Variants in PTPN13 observed in about 807,000 individuals in gnomAD.
PTPN13 encodes the protein protein tyrosine phosphatase non-receptor type 13.
In PTPN13, 191 loss-of-function variants were observed where a neutral mutation model predicts 284.0. The observed-to-expected ratio is 0.67, with a 90% confidence interval of 0.60 to 0.76. PTPN13 has a LOEUF of 0.76. PTPN13 is among the 30% of genes least tolerant of loss of function. The pLI is 0.00. For missense variants in PTPN13, 2,797 were observed against 2,939.9 expected, an observed-to-expected ratio of 0.95 and a Z score of 1.12; for synonymous variants, 986 against 1,022.3, an observed-to-expected ratio of 0.96 and a Z score of 0.68.
chr4:86,721,286 C>G (rs148213713), intron 9 of PTPN13, among the ~76,000 whole-genome samples: 29 of 151,960 alleles, frequency 1.9e-4, no homozygotes, highest in African/African-American at 7.0e-4. Context: ...TTTGACCCTC[C>G]CCTTAAGTGA....
intron 40 of PTPN13, among the ~76,000 whole-genome samples, chr4:86,786,966 G>A (rs997942852): frequency 1.3e-5 from 2 of 151,966 alleles, no homozygotes; most frequent in Middle Eastern, 3.4e-3. Context: ...TTAGCCAGAT[G>A]TGGTGGCGCA....
At chr4:86,701,891 T>C (rs753201287) in intron 7 of PTPN13, 90 bp downstream of exon 7, 4 of 1,304,322 alleles carry the variant, frequency 3.1e-6, no homozygotes, top group Non-Finnish European at 4.1e-6. Flanking sequence ...ATTCCACAAG[T>C]CTTATTTTCA....
At chr4:86,728,352 T>C (rs913703102) in intron 10 of PTPN13, among the ~76,000 whole-genome samples, 3 of 149,414 alleles carry the variant, frequency 2.0e-5, no homozygotes, top group Middle Eastern at 3.4e-3. Flanking sequence ...AGAGCTGAGT[T>C]TAAGTCCTGG....
intron 5 of PTPN13, among the ~76,000 whole-genome samples, chr4:86,693,040 C>T (rs1409349586): frequency 7.3e-6 from 1 of 136,568 alleles, no homozygotes; most frequent in African/African-American, 2.8e-5. Context: ...GGTCCTCCAA[C>T]CTGGGTGACA....
chr4:86,727,132 T>C lies in PTPN13; in HGVS notation c.1608+4698T>C, dbSNP rs1023499169. On this transcript the variant is annotated intron_variant, in intron 10 of 47. Transcript: ENST00000411767. ...AATTACATTTATTGATTTGCCTATG[T>C]TGAACCAGCCTTGCATGCCAGGGAT... is the stretch of plus-strand genomic sequence containing the variant. 3.3e-5 allele frequency among the ~76,000 whole-genome samples: 5 copies of C among 149,724 alleles called. 1 individual carries two copies. Among genetic ancestry groups the C allele is most frequent in the Non-Finnish European group, 7.5e-5 (5 of 66,746 alleles).
At chr4:86,675,839 G>T (rs540005713) in intron 3 of PTPN13, among the ~76,000 whole-genome samples, 1 of 151,982 alleles carries the variant, frequency 6.6e-6, no homozygotes. Context: ...CTTTGAAATC[G>T]GTTTGATGGG....
chr4:86,784,502 A>T lies in PTPN13; in HGVS notation c.6062A>T (p.Lys2021Ile). ...GAAATAAATGAAATATCGTACCCCA[A>T]AGGAAAATGTTCTACTTATCAGATA... ...GEEINEISYP[K>I]GKCSTYQIKG... Residue 2021 changes from lysine (K) to isoleucine (I), a missense_variant, in exon 38 of 48, where the codon AAA (lysine) becomes ATA (isoleucine). Coordinates refer to ENST00000411767, the MANE Select transcript of PTPN13 (RefSeq NM_080683.3). The T allele has an allele frequency of 2.5e-6, 4 of 1,607,730 alleles. No homozygotes were observed. The highest frequency in any genetic ancestry group is 3.4e-6 in the Non-Finnish European group (4 of 1,177,976).
At chr4:86,723,977 C>T (rs900032317) in intron 10 of PTPN13, among the ~76,000 whole-genome samples, 1 of 152,034 alleles carries the variant, frequency 6.6e-6, no homozygotes, top group African/African-American at 2.4e-5. Context: ...TTCAAATTTC[C>T]TTCACAGTAT....
intron 37 of PTPN13, among the ~76,000 whole-genome samples, chr4:86,782,912 G>A (rs1284053418): frequency 6.6e-6 from 1 of 151,812 alleles, no homozygotes; most frequent in Non-Finnish European, 1.5e-5. Flanking sequence ...TTTTCTTCCT[G>A]GTATGTAATA....
chr4:86,653,999 T>A (rs1725434790), intron 2 of PTPN13, among the ~76,000 whole-genome samples: 1 of 152,184 alleles, frequency 6.6e-6, no homozygotes, highest in African/African-American at 2.4e-5. Context: ...AACTATAAGA[T>A]AGCTCTTATC....
intron 2 of PTPN13, among the ~76,000 whole-genome samples, chr4:86,662,177 T>G (rs532433964): frequency 7.8e-4 from 119 of 152,340 alleles, no homozygotes; most frequent in South Asian, 1.4e-3. Context: ...TTAAAAGGCT[T>G]AGCACATCAT....
At chr4:86,629,325 C>A (rs982933207) in intron 1 of PTPN13, among the ~76,000 whole-genome samples, 11 of 147,994 alleles carry the variant, frequency 7.4e-5, no homozygotes, top group African/African-American at 2.8e-4. Flanking sequence ...GACATTTATG[C>A]AGCCAAAAAA....
intron 3 of PTPN13, among the ~76,000 whole-genome samples, chr4:86,677,343 T>A (rs1578396207): frequency 7.1e-6 from 1 of 141,742 alleles, no homozygotes; most frequent in Admixed American, 7.4e-5. Context: ...TGAGACGGAG[T>A]CTAGCTCTGT....
rs1409573872 is a variant in PTPN13 at position 86,693,626 on chromosome 4, C to T, written c.586C>T (p.Arg196Ter). ...LSCNSEQKPD[R>*]SQAIRDRLRG... ...CTGTAACAGTGAACAAAAGCCTGAT[C>T]GAAGCCAGGCTATTCGAGATCGATT... is the stretch of plus-strand genomic sequence containing the variant. The change falls in exon 6 of 48, where the codon CGA (arginine) becomes TGA (stop). Residue 196 changes from arginine to a stop codon, truncating the protein, a stop_gained. Coordinates refer to ENST00000411767, the MANE Select transcript of PTPN13 (RefSeq NM_080683.3). LOFTEE classifies it high-confidence loss of function. 6 of 1,556,106 alleles carry T rather than the reference C, an allele frequency of 3.9e-6. No individual in the cohort carries two copies. The highest frequency in any genetic ancestry group is 2.4e-5 in the East Asian group (1 of 42,536).
intron 17 of PTPN13, among the ~76,000 whole-genome samples, chr4:86,745,420 T>G (rs1736630206): frequency 6.6e-6 from 1 of 152,154 alleles, no homozygotes; most frequent in Non-Finnish European, 1.5e-5. Context: ...CTACCCTCAG[T>G]AAGCTTATCC....
At chr4:86,643,087 C>T (rs1428564553) in intron 2 of PTPN13, among the ~76,000 whole-genome samples, 1 of 152,120 alleles carries the variant, frequency 6.6e-6, no homozygotes, top group East Asian at 1.9e-4. Flanking sequence ...GACTCAATTT[C>T]CCTCACTTAG....
chr4:86,734,498 G>A, intron 13 of PTPN13, 42 bp downstream of exon 13: 1 of 1,461,670 alleles, frequency 6.8e-7, no homozygotes. Context: ...TTTGGACACT[G>A]GTCTTTTGAC....
rs199596899 is a variant in PTPN13, at chr4:86,803,735, C to G, written c.6532C>G (p.Leu2178Val). The change falls in exon 43 of 48, where the codon CTC (leucine) becomes GTC (valine). Residue 2178 changes from leucine to valine, a missense_variant. Physicochemically the swap from Leu to Val is conservative, Grantham distance 32 (BLOSUM62 1). Transcript: ENST00000411767. ...TCATTCCTTTCTGACAAACGATGAG[C>G]TCGCTGTACTCCCTGTCGTCAAAGT... ...KDHSFLTNDE[L>V]AVLPVVKVLP... 2 of 1,613,624 alleles carry G rather than the reference C, an allele frequency of 1.2e-6. No homozygotes were observed. The highest frequency in any genetic ancestry group is 1.7e-6 in the Non-Finnish European group (2 of 1,179,728).
chr4:86,785,462 T>C (rs1259783403), intron 39 of PTPN13, 94 bp downstream of exon 39: 10 of 1,085,222 alleles, frequency 9.2e-6, no homozygotes, highest in Non-Finnish European at 1.3e-5. Flanking sequence ...CATTAGTTCT[T>C]CTTCTGTTCC....
Sources: gnomAD v4.1 joint callset for allele counts (sites outside exome capture counted in the v4.1 genomes callset) on GRCh38, gnomAD v4.1.1 for gene constraint, MANE v1.5 for transcripts, NCBI Gene and HGNC (gene_info 2026-07-23, HGNC 2026-07-21) for gene names.